Variants in PALMD observed in about 807,000 individuals in gnomAD.
PALMD encodes the protein paralemmin-like protein.
In PALMD, 42 loss-of-function variants were observed where a neutral mutation model predicts 56.2. The ratio of observed to expected loss-of-function variants is 0.75; its 90% CI spans 0.58 to 0.97. The LOEUF is 0.97. PALMD is among the 50% of genes least tolerant of loss of function. The probability of loss-of-function intolerance (pLI) is 0.00; values close to 1 mark genes in which losing one functional copy is unlikely to be tolerated. For missense variants in PALMD, 660 were observed against 643.8 expected, an observed-to-expected ratio of 1.03 and a Z score of -0.27; for synonymous variants, 242 against 222.9, an observed-to-expected ratio of 1.09 and a Z score of -0.76.
At chr1:99,687,269 A>G in intron 6 of PALMD, 80 bp downstream of exon 6, 1 of 1,446,426 alleles carries the variant, frequency 6.9e-7, no homozygotes, top group East Asian at 2.4e-5. Flanking sequence ...TTGCTATGAC[A>G]TATTATTCTT....
At position 99,646,217 on chromosome 1, in the gene PALMD, C is replaced by A; in HGVS notation, c.-101C>A. On this transcript the variant is annotated 5_prime_UTR_variant, in exon 1 of 8. The change creates a new upstream start codon in the 5' untranslated region. Transcript: ENST00000263174. ...ACTGGTGCAAAGAGCGGATTTCTCC[C>A]TGCTTCTCTTCTGTCACCCCCGCTC... 1.1e-6 allele frequency: 1 copy of A among 906,932 alleles called. No individual in the cohort carries two copies. 56.2% of individuals were successfully genotyped at this position (906,932 alleles called of 1,614,324 possible).
intron 6 of PALMD, 33 bp from the exon 7 acceptor site, chr1:99,688,742 A>T (rs1653584435): frequency 6.8e-7 from 1 of 1,462,496 alleles, no homozygotes; most frequent in African/African-American, 1.4e-5. Flanking sequence ...AGAAAAGTTA[A>T]CTAAATCAAA....
chr1:99,652,694 G>A (rs6577391), intron 1 of PALMD, among the ~76,000 whole-genome samples: 20,211 of 84,232 alleles, frequency 0.24, 1,974 homozygotes, highest in East Asian at 0.33. Context: ...GGAAAGGAAA[G>A]GAAAAGAAAA....
chr1:99,676,178 C>T (rs1317951838), intron 3 of PALMD, among the ~76,000 whole-genome samples: 1 of 152,144 alleles, frequency 6.6e-6, no homozygotes, highest in Non-Finnish European at 1.5e-5. Flanking sequence ...ATGCCAAATG[C>T]CCTTTAATTC....
intron 3 of PALMD, among the ~76,000 whole-genome samples, chr1:99,673,791 A>C (rs1031131421): frequency 3.3e-5 from 5 of 152,194 alleles, no homozygotes; most frequent in Non-Finnish European, 5.9e-5. Flanking sequence ...TCCGAAACAC[A>C]CACATACAAG....
At chr1:99,657,496 T>G (rs145830489) in intron 1 of PALMD, among the ~76,000 whole-genome samples, 128 of 152,272 alleles carry the variant, frequency 8.4e-4, no homozygotes, top group Admixed American at 2.2e-3. Context: ...CATGGCCTTA[T>G]GTATGAGTTG....
intron 2 of PALMD, among the ~76,000 whole-genome samples, chr1:99,664,937 G>A (rs1413013933): frequency 6.6e-6 from 1 of 152,078 alleles, no homozygotes; most frequent in Non-Finnish European, 1.5e-5. Flanking sequence ...ATATTCTTTA[G>A]CTCCTGAACC....
chr1:99,682,959 T>C (rs951597738), intron 3 of PALMD, among the ~76,000 whole-genome samples: 1 of 149,726 alleles, frequency 6.7e-6, no homozygotes, highest in African/African-American at 2.5e-5. Context: ...TGAGCCGAGA[T>C]TGCACCACTA....
rs1557673982 is a variant in PALMD, at chr1:99,683,110, G to T, written c.252-3566G>T. 8.6e-5 allele frequency among the ~76,000 whole-genome samples: 9 copies of T among 105,238 alleles called. No homozygotes were observed. In the South Asian group the frequency reaches 1.9e-3, roughly 22 times the overall value. 69.0% of individuals were successfully genotyped at this position (105,238 alleles called of 152,430 possible). On this transcript the variant is annotated intron_variant, in intron 3 of 7. Coordinates refer to ENST00000263174, the MANE Select transcript of PALMD (RefSeq NM_017734.5). ...AGAGAGAAAGAAAGAAAGAAAGAAAGAAAGAAAGAAAGAAAGAAAGAAAGA... is the reference window on the plus strand; with the variant it reads ...AGAGAGAAAGAAAGAAAGAAAGAAATAAAGAAAGAAAGAAAGAAAGAAAGA...
In PALMD at chr1:99,673,117, G is replaced by A. The variant is rs570345334; in HGVS notation, c.251+5351G>A. Among the ~76,000 whole-genome samples, 5 of 152,192 alleles carry A rather than the reference G, an allele frequency of 3.3e-5. No homozygotes were observed. The East Asian group carries it at 9.7e-4, about 29-fold the overall frequency. On this transcript the variant is annotated intron_variant, in intron 3 of 7. Coordinates refer to ENST00000263174, the MANE Select transcript of PALMD (RefSeq NM_017734.5). ...GCTGAAACCCAGGAAAATGCATTCT[G>A]CTCAATATCATGTAAAGCAATAATT...
chr1:99,687,114 C>G lies in PALMD; in HGVS notation c.439C>G (p.Pro147Ala). The change falls in exon 6 of 8, where the codon CCA becomes GCA. Residue 147 changes from proline to alanine, a missense_variant. Physicochemically the swap from Pro to Ala is conservative, Grantham distance 27 (BLOSUM62 -1). Coordinates refer to ENST00000263174, the MANE Select transcript of PALMD (RefSeq NM_017734.5). ...CATCTATGCTAATATCCCTGACCTT[C>G]CAAAGTCCTACATACCTTCTAGGTT... Reference protein sequence around the residue: ...EDIYANIPDLPKSYIPSRLRK... With the variant: ...EDIYANIPDLAKSYIPSRLRK... 7 of 1,605,106 alleles carry G rather than the reference C, an allele frequency of 4.4e-6. No individual in the cohort carries two copies. Among genetic ancestry groups the G allele is most frequent in the Non-Finnish European group, 6.0e-6 (7 of 1,172,874 alleles).
At position 99,667,772 on chromosome 1, in the gene PALMD, G is replaced by T. The variant is rs770490793; in HGVS notation, c.251+6G>T. On this transcript the variant is annotated splice_donor_region_variant and intron_variant, in intron 3 of 7. Transcript: ENST00000263174. ...CTAGAACAAAGTATCCTCAGGTATG[G>T]CCCTCACTGAGATACTCCACAACTA... 4 of 1,612,322 alleles carry T rather than the reference G, an allele frequency of 2.5e-6. No individual in the cohort carries two copies. Among genetic ancestry groups the T allele is most frequent in the Admixed American group, 3.3e-5 (2 of 59,944 alleles).
At chr1:99,656,075 G>C (rs75406053) in intron 1 of PALMD, among the ~76,000 whole-genome samples, 1 of 151,914 alleles carries the variant, frequency 6.6e-6, no homozygotes, top group Non-Finnish European at 1.5e-5. Flanking sequence ...CTTTATTCTT[G>C]GTTGTGTGAG....
intron 1 of PALMD, among the ~76,000 whole-genome samples, chr1:99,647,373 T>C (rs1229269138): frequency 1.3e-5 from 2 of 152,246 alleles, no homozygotes; most frequent in Non-Finnish European, 2.9e-5. Flanking sequence ...ATTATGCTAA[T>C]CCTAATTTAG....
At chr1:99,649,948 C>T (rs1309644143) in intron 1 of PALMD, among the ~76,000 whole-genome samples, 4 of 152,080 alleles carry the variant, frequency 2.6e-5, no homozygotes, top group Admixed American at 1.3e-4. Context: ...GTCTCTCATG[C>T]CTTTATTCAA....
rs994554607 is a variant in PALMD at position 99,667,820 on chromosome 1, T to G, written c.251+54T>G. The G allele has an allele frequency of 4.0e-6, 6 of 1,500,490 alleles. No homozygotes were observed. In the East Asian group the frequency reaches 1.4e-4, roughly 34 times the overall value. The allele number at this position is 1,500,490 out of a possible 1,614,324, so 92.9% of individuals were successfully genotyped here. On this transcript the variant is annotated intron_variant, in intron 3 of 7. Transcript: ENST00000263174. The stretch of plus-strand genomic sequence containing the variant: ...CTACCTTTATTTTGACTTTATCCCA[T>G]GTTGTGCATAGACATGCCATTCTCA...
intron 2 of PALMD, among the ~76,000 whole-genome samples, chr1:99,663,140 C>T (rs1652884436): frequency 6.6e-6 from 1 of 152,194 alleles, no homozygotes; most frequent in Admixed American, 6.5e-5. Context: ...CAAAGCTGCA[C>T]ACTCAAGGGG....
intron 1 of PALMD, among the ~76,000 whole-genome samples, chr1:99,649,876 C>T (rs1652526922): frequency 6.6e-6 from 1 of 152,144 alleles, no homozygotes; most frequent in Admixed American, 6.5e-5. Flanking sequence ...AAGAAGAAAG[C>T]TGACATTTTT....
chr1:99,667,516 G>A (rs1036332455), intron 2 of PALMD, 126 bp from the exon 3 acceptor site: 10 of 776,546 alleles, frequency 1.3e-5, no homozygotes, highest in African/African-American at 1.0e-4. Flanking sequence ...TTCAGGCAAG[G>A]CACTGACAGA....
Sources: allele counts gnomAD v4.1 joint callset (sites outside exome capture counted in the v4.1 genomes callset), GRCh38; gene constraint gnomAD v4.1.1; transcripts MANE v1.5; gene names NCBI Gene and HGNC (gene_info 2026-07-23, HGNC 2026-07-21).